Variants in ATF7IP observed in about 807,000 individuals in gnomAD.
ATF7IP encodes activating transcription factor 7 interacting protein, also known as activating transcription factor 7-interacting protein 1.
In ATF7IP, 23 loss-of-function variants were observed where a neutral mutation model predicts 106.4. That is an observed-to-expected ratio of 0.22 (90% CI 0.16 to 0.31). The LOEUF (loss-of-function observed/expected upper bound fraction) is 0.31, where lower values mean the gene tolerates loss of function less well. ATF7IP is among the 10% of genes least tolerant of loss of function. The pLI, the probability that ATF7IP is intolerant of heterozygous loss-of-function variation, is 1.00. For synonymous variants in ATF7IP, 542 were observed against 539.0 expected (o/e 1.01, Z -0.08); for missense variants, 1,334 against 1,524.3 (o/e 0.88, Z 2.08).
At chr12:14,448,676 G>T (rs1943079058) in intron 6 of ATF7IP, among the ~76,000 whole-genome samples, 1 of 152,140 alleles carries the variant, frequency 6.6e-6, no homozygotes, top group African/African-American at 2.4e-5. Context: ...ATACCCAGAA[G>T]AGGAATTACT....
Position 14,497,698 on chromosome 12 carries a change from A to T in ATF7IP, c.3438A>T (p.Pro1146=). The T allele has an allele frequency of 6.2e-7, 1 of 1,614,198 alleles. No individual in the cohort carries two copies. The highest frequency in any genetic ancestry group is 2.2e-5 in the East Asian group (1 of 44,880). Residue 1146 remains proline (P), a synonymous_variant, in exon 15 of 15, where the codon CCA becomes CCT. Coordinates refer to ENST00000261168, the MANE Select transcript of ATF7IP (RefSeq NM_018179.5). ...PVHPAPLPEA[P]QPQRLPPEAA... ...ACCCAGCACCCTTACCAGAAGCTCC[A>T]CAACCACAGCGTCTGCCCCCAGAAG...
chr12:14,431,073 C>T (rs1021727233), intron 2 of ATF7IP, among the ~76,000 whole-genome samples: 2 of 152,178 alleles, frequency 1.3e-5, no homozygotes, highest in African/African-American at 4.8e-5. Context: ...ACTAAGTCCC[C>T]TAATGTAAAT....
rs74068603 is a variant in ATF7IP at position 14,466,507 on chromosome 12, G to A, written c.2798-19G>A. 3.6e-3 allele frequency: 5,751 copies of A among 1,589,736 alleles called. 183 individuals carry two copies. The African/African-American group carries it at 0.069, about 19-fold the overall frequency. Reference sequence around the variant, plus strand: ...ACATTTTGTAGATGTTTTTAAAAATGGCTTTTTTTACTTTTCAGAAAACCA... The same window carrying A: ...ACATTTTGTAGATGTTTTTAAAAATAGCTTTTTTTACTTTTCAGAAAACCA... On this transcript the variant is annotated intron_variant, in intron 9 of 14. Transcript: ENST00000261168.
intron 5 of ATF7IP, among the ~76,000 whole-genome samples, chr12:14,443,190 T>G (rs749521363): frequency 6.6e-6 from 1 of 152,114 alleles, no homozygotes; most frequent in Non-Finnish European, 1.5e-5. Context: ...TTTGAGGAAC[T>G]GTATCAAAAC....
chr12:14,435,512 G>A (rs1484722623), intron 3 of ATF7IP, among the ~76,000 whole-genome samples: 3 of 152,160 alleles, frequency 2.0e-5, no homozygotes, highest in Non-Finnish European at 2.9e-5. Context: ...TTAACAGCAC[G>A]TGAAACAGAT....
chr12:14,498,325 G>T lies in ATF7IP; in HGVS notation c.*252G>T, dbSNP rs933772629. The stretch of plus-strand genomic sequence containing the variant: ...ACCTTGCTTTAGTTTTGAGGCTGGG[G>T]AATATGTGTGGGTGTTTATGTGTGT... On this transcript the variant is annotated 3_prime_UTR_variant, in exon 15 of 15. Coordinates refer to ENST00000261168, the MANE Select transcript of ATF7IP (RefSeq NM_018179.5). 7 of 412,862 alleles carry T rather than the reference G, an allele frequency of 1.7e-5. No homozygotes were observed. Among genetic ancestry groups the T allele is most frequent in the African/African-American group, 1.4e-4 (7 of 49,592 alleles). 25.6% of individuals were successfully genotyped at this position (412,862 alleles called of 1,614,324 possible). A position where few individuals can be genotyped will look rare whatever the true frequency, so the allele number is the denominator to read the frequency against.
chr12:14,381,320 C>T (rs576856440), intron 1 of ATF7IP, among the ~76,000 whole-genome samples: 1 of 152,332 alleles, frequency 6.6e-6, no homozygotes, highest in African/African-American at 2.4e-5. Context: ...CAGCCTCCAC[C>T]TCCCAGGTTC....
chr12:14,484,961 T>A (rs772779978), intron 13 of ATF7IP, among the ~76,000 whole-genome samples: 8 of 152,180 alleles, frequency 5.3e-5, no homozygotes, highest in Non-Finnish European at 1.0e-4. Flanking sequence ...AAAGCCCAGT[T>A]AACAGGCCAA....
intron 13 of ATF7IP, chr12:14,482,440 C>T (rs769957790): frequency 6.6e-6 from 1 of 152,398 alleles, no homozygotes; most frequent in African/African-American, 2.4e-5. Context: ...GGGCAGGAAG[C>T]ATCCAGCACA....
At chr12:14,443,804 A>G (rs1942822263) in intron 5 of ATF7IP, among the ~76,000 whole-genome samples, 1 of 152,202 alleles carries the variant, frequency 6.6e-6, no homozygotes, top group Non-Finnish European at 1.5e-5. Context: ...CTGTTGAATG[A>G]AGAAGGAAAT....
chr12:14,422,240 A>G (rs1032526491), intron 1 of ATF7IP, among the ~76,000 whole-genome samples: 4 of 152,020 alleles, frequency 2.6e-5, no homozygotes, highest in Admixed American at 6.6e-5. Flanking sequence ...AATATCAGCC[A>G]AGTAAAGGTT....
At chr12:14,484,131 C>T (rs971331148) in intron 13 of ATF7IP, among the ~76,000 whole-genome samples, 4 of 152,102 alleles carry the variant, frequency 2.6e-5, no homozygotes, top group African/African-American at 9.7e-5. Context: ...CGTGCTGTAT[C>T]GAGGGCTCAG....
chr12:14,418,981 AGGAATTT>A (rs1274530517), intron 1 of ATF7IP, among the ~76,000 whole-genome samples: 1 of 152,178 alleles, frequency 6.6e-6, no homozygotes, highest in Non-Finnish European at 1.5e-5. Flanking sequence ...AATACCAAAG[AGGAATTT>A]GTCTTAGACT....
chr12:14,438,418 A>C, intron 5 of ATF7IP, 151 bp downstream of exon 5: 3 of 737,178 alleles, frequency 4.1e-6, no homozygotes, highest in Non-Finnish European at 6.4e-6. Flanking sequence ...GGGCTGCTGT[A>C]AAGAAAGTGC....
At chr12:14,447,176 A>G (rs897668459) in intron 6 of ATF7IP, 123 bp downstream of exon 6, 5 of 563,234 alleles carry the variant, frequency 8.9e-6, no homozygotes, top group African/African-American at 2.0e-5. Flanking sequence ...GTACTCCTCT[A>G]TGTAATTTCT....
At chr12:14,422,736 C>G (rs765459941) in intron 1 of ATF7IP, among the ~76,000 whole-genome samples, 2 of 152,060 alleles carry the variant, frequency 1.3e-5, no homozygotes, top group African/African-American at 4.8e-5. Flanking sequence ...ACTTCATTCC[C>G]CTTTGTGGTT....
At position 14,460,637 on chromosome 12, in the gene ATF7IP, G is replaced by A. The variant is rs776441430; in HGVS notation, c.2301G>A (p.Val767=). 1.2e-6 allele frequency: 2 copies of A among 1,614,156 alleles called. No individual in the cohort carries two copies. Among genetic ancestry groups the A allele is most frequent in the Non-Finnish European group, 1.7e-6 (2 of 1,180,012 alleles). Reference sequence around the variant, plus strand: ...CTACTGTAGTTGCTACTACTCAGGTGCCTAGTGGAAATCCCCAGCCTACAA... The same window carrying A: ...CTACTGTAGTTGCTACTACTCAGGTACCTAGTGGAAATCCCCAGCCTACAA... The part of the protein sequence containing the change: ...NTATVVATTQ[V]PSGNPQPTIS... The change falls in exon 9 of 15, where the codon GTG becomes GTA. Residue 767 remains valine (V), a synonymous_variant. Coordinates refer to ENST00000261168, the MANE Select transcript of ATF7IP (RefSeq NM_018179.5).
chr12:14,481,645 T>C (rs1328523563), intron 13 of ATF7IP: 1 of 442,104 alleles, frequency 2.3e-6, no homozygotes, highest in East Asian at 7.2e-5. Flanking sequence ...GTATACTAGT[T>C]GATTTGTGCT....
At chr12:14,486,451 C>CG (rs1944616574) in intron 13 of ATF7IP, among the ~76,000 whole-genome samples, 5 of 152,184 alleles carry the variant, frequency 3.3e-5, no homozygotes, top group Non-Finnish European at 4.4e-5. Flanking sequence ...CTCAAGGGGA[C>CG]GAGGCCTCCC....
Sources: gnomAD v4.1 joint callset for allele counts (sites outside exome capture counted in the v4.1 genomes callset) on GRCh38, gnomAD v4.1.1 for gene constraint, MANE v1.5 for transcripts, NCBI Gene and HGNC (gene_info 2026-07-23, HGNC 2026-07-21) for gene names.